SYT9: variants seen among roughly 807,000 people sequenced by gnomAD.
SYT9 encodes the protein synaptotagmin 9.
A neutral mutation model predicts 48.4 loss-of-function variants in SYT9; 22 were observed. The ratio of observed to expected loss-of-function variants is 0.45; its 90% CI spans 0.32 to 0.65. The LOEUF is 0.65. Ranked by LOEUF, SYT9 falls within the 30% of genes least tolerant of loss-of-function variation. The probability of loss-of-function intolerance (pLI) is 0.03; values close to 1 mark genes in which losing one functional copy is unlikely to be tolerated. For synonymous variants in SYT9, 265 were observed against 245.0 expected (o/e 1.08, Z -0.76); for missense variants, 577 against 622.0 (o/e 0.93, Z 0.77).
chr11:7,406,947 A>G (rs1199735159), intron 3 of SYT9, among the ~76,000 whole-genome samples: 1 of 152,176 alleles, frequency 6.6e-6, no homozygotes, highest in Admixed American at 6.5e-5. Flanking sequence ...ATTACTAGTG[A>G]TGCTGAGCAT....
chr11:7,415,094 C>A (rs1270464177), intron 3 of SYT9, among the ~76,000 whole-genome samples: 1 of 142,640 alleles, frequency 7.0e-6, no homozygotes, highest in Non-Finnish European at 1.5e-5. Context: ...GATATCTTCC[C>A]CAGTGGAGGG....
rs544059113 is a variant in SYT9, at chr11:7,264,347, G to A, written c.145+12016G>A. Among the ~76,000 whole-genome samples, 52 of 152,264 alleles carry A rather than the reference G, an allele frequency of 3.4e-4. 1 individual carries two copies. Among genetic ancestry groups the A allele is most frequent in the African/African-American group, 1.2e-3 (51 of 41,554 alleles). On this transcript the variant is annotated intron_variant, in intron 1 of 6. Coordinates refer to ENST00000318881, the MANE Select transcript of SYT9 (RefSeq NM_175733.4). The stretch of plus-strand genomic sequence containing the variant: ...TAAAGTAATTTCCATCAGCATAGGT[G>A]TGTGTGTTTCTTCCATGTTCAGCTC...
chr11:7,346,358 G>C (rs1461911587), intron 3 of SYT9, among the ~76,000 whole-genome samples: 1 of 152,180 alleles, frequency 6.6e-6, no homozygotes, highest in Non-Finnish European at 1.5e-5. Flanking sequence ...GGTTCCTGTG[G>C]CTGAGACCCC....
chr11:7,394,370 A>T (rs1353810863), intron 3 of SYT9, among the ~76,000 whole-genome samples: 1 of 152,140 alleles, frequency 6.6e-6, no homozygotes, highest in Non-Finnish European at 1.5e-5. Flanking sequence ...ATTGTTGGAC[A>T]TTTGGGTTGG....
chr11:7,364,206 A>C (rs6578854), intron 3 of SYT9, among the ~76,000 whole-genome samples: 17,182 of 152,172 alleles, frequency 0.11, 1,257 homozygotes, highest in African/African-American at 0.21. Flanking sequence ...TGCAAAAAAG[A>C]ATCTCCCAAC....
intron 1 of SYT9, among the ~76,000 whole-genome samples, chr11:7,288,656 A>C (rs550324599): frequency 9.8e-5 from 15 of 152,368 alleles, no homozygotes; most frequent in African/African-American, 3.6e-4. Context: ...CTTTCATCTG[A>C]GCCTACTGCA....
At chr11:7,351,604 C>T (rs1017726676) in intron 3 of SYT9, among the ~76,000 whole-genome samples, 1 of 152,328 alleles carries the variant, frequency 6.6e-6, no homozygotes, top group African/African-American at 2.4e-5. Flanking sequence ...TAAGATGATG[C>T]AATGGGATTA....
chr11:7,393,848 C>A (rs1589994234), intron 3 of SYT9, among the ~76,000 whole-genome samples: 1 of 151,750 alleles, frequency 6.6e-6, no homozygotes, highest in African/African-American at 2.4e-5. Flanking sequence ...GGAATTTATC[C>A]ATTTCCTCTA....
chr11:7,285,335 C>CAAGAAG (rs985918318), intron 1 of SYT9, among the ~76,000 whole-genome samples: 4 of 152,236 alleles, frequency 2.6e-5, no homozygotes, highest in African/African-American at 9.6e-5. Flanking sequence ...ATGGAAGCAG[C>CAAGAAG]AAGAAGAAGT....
At chr11:7,247,224 T>A (rs1317451209), upstream of SYT9, among the ~76,000 whole-genome samples, 2 of 152,142 alleles carry the variant, frequency 1.3e-5, no homozygotes, top group Non-Finnish European at 2.9e-5. Context: ...CGCTGCACCC[T>A]ATTTGAAGTC....
chr11:7,378,278 G>T (rs946576936), intron 3 of SYT9, among the ~76,000 whole-genome samples: 33 of 152,046 alleles, frequency 2.2e-4, no homozygotes, highest in African/African-American at 7.7e-4. Flanking sequence ...TTAGGAGAAA[G>T]AACTGCTGGA....
intron 3 of SYT9, among the ~76,000 whole-genome samples, chr11:7,411,595 G>T (rs1847137418): frequency 6.6e-6 from 1 of 152,034 alleles, no homozygotes; most frequent in East Asian, 1.9e-4. Context: ...TTAGCCTGAT[G>T]GGGTTTCCTT....
At chr11:7,382,000 C>G (rs910166647) in intron 3 of SYT9, among the ~76,000 whole-genome samples, 4 of 152,094 alleles carry the variant, frequency 2.6e-5, no homozygotes, top group Non-Finnish European at 5.9e-5. Context: ...CAGAACCAAG[C>G]CTTTTCTGAA....
At chr11:7,414,292 G>A (rs1847196675) in intron 3 of SYT9, among the ~76,000 whole-genome samples, 1 of 152,224 alleles carries the variant, frequency 6.6e-6, no homozygotes, top group South Asian at 2.1e-4. Flanking sequence ...TGAGAAGGAT[G>A]AGGGGAGAGG....
At chr11:7,366,828 A>G (rs1420467035) in intron 3 of SYT9, among the ~76,000 whole-genome samples, 1 of 151,998 alleles carries the variant, frequency 6.6e-6, no homozygotes, top group African/African-American at 2.4e-5. Context: ...TAGGTTTACT[A>G]TTGTATAGTT....
chr11:7,466,572 T>C (rs1217151751), intron 6 of SYT9, among the ~76,000 whole-genome samples: 2 of 151,856 alleles, frequency 1.3e-5, no homozygotes, highest in Non-Finnish European at 2.9e-5. Context: ...AATACAAAAA[T>C]TAGCCAGGTG....
rs1343629900 is a variant in SYT9, at chr11:7,252,149, C to T, written c.-38C>T. The T allele has an allele frequency of 5.1e-6, 7 of 1,383,742 alleles. No individual in the cohort carries two copies. Among genetic ancestry groups the T allele is most frequent in the Non-Finnish European group, 5.6e-6 (6 of 1,073,438 alleles). 85.7% of individuals were successfully genotyped at this position (1,383,742 alleles called of 1,614,324 possible). ...GGCAGGCGGAGGGCTGTCTCCTGCG[C>T]CCGCCTGCCCGGCGCGGTCCGAGGA... On this transcript the variant is annotated 5_prime_UTR_variant, in exon 1 of 7. Coordinates refer to ENST00000318881, the MANE Select transcript of SYT9 (RefSeq NM_175733.4). This position sits in a 1 kb window ranked among gnomAD's most constrained non-coding sequence, Gnocchi z 6.3.
intron 3 of SYT9, among the ~76,000 whole-genome samples, chr11:7,346,950 G>A (rs771216577): frequency 1.3e-5 from 2 of 152,174 alleles, no homozygotes; most frequent in Non-Finnish European, 2.9e-5. Flanking sequence ...ATTTGTTTAA[G>A]TAAGGAAACT....
intron 3 of SYT9, among the ~76,000 whole-genome samples, chr11:7,360,044 G>C (rs939373468): frequency 2.0e-5 from 3 of 151,760 alleles, no homozygotes; most frequent in African/African-American, 4.8e-5. Context: ...TGTAAGGAAG[G>C]GATCCAGTTT....
Sources: allele counts gnomAD v4.1 joint callset (sites outside exome capture counted in the v4.1 genomes callset), GRCh38; gene constraint gnomAD v4.1.1; non-coding constraint Gnocchi (gnomAD v3.1); transcripts MANE v1.5; gene names NCBI Gene and HGNC (gene_info 2026-07-23, HGNC 2026-07-21).